SIK2: variants seen among roughly 807,000 people sequenced by gnomAD.
The protein encoded by SIK2 is serine/threonine-protein kinase SIK2.
A neutral mutation model predicts 103.2 loss-of-function variants in SIK2; 29 were observed. The observed-to-expected ratio is 0.28, with a 90% CI of 0.21 to 0.38. The LOEUF is 0.38. Among genes scored for constraint, SIK2 ranks in the 10% least tolerant of loss-of-function variants. The probability of loss-of-function intolerance (pLI) is 1.00; values close to 1 mark genes in which losing one functional copy is unlikely to be tolerated. For missense variants in SIK2, 879 were observed against 1,171.0 expected (o/e 0.75, Z 3.64); for synonymous variants, 412 against 446.1 (o/e 0.92, Z 0.96).
chr11:111,690,857 C>T (rs1942928033), intron 4 of SIK2, among the ~76,000 whole-genome samples: 1 of 152,128 alleles, frequency 6.6e-6, no homozygotes, highest in African/African-American at 2.4e-5. Flanking sequence ...TCCAGTCTAT[C>T]ATTGACAGGC....
At chr11:111,673,066 A>G (rs1254594331) in intron 3 of SIK2, among the ~76,000 whole-genome samples, 1 of 152,214 alleles carries the variant, frequency 6.6e-6, no homozygotes, top group Admixed American at 6.5e-5. Flanking sequence ...AACCACTTAA[A>G]CCACCTGGAG....
At chr11:111,639,262 A>T (rs1371816038) in intron 3 of SIK2, among the ~76,000 whole-genome samples, 2 of 148,824 alleles carry the variant, frequency 1.3e-5, no homozygotes, top group Admixed American at 6.7e-5. Flanking sequence ...TTAATAGCAG[A>T]TTTCTGAGCC....
rs566283817 is a variant in SIK2 at position 111,700,054 on chromosome 11, G to A, written c.479-832G>A. ...CAAGATAATAGGTATTTGTTTCTTCGGTAAGAATATGAGACTATAAAGGCT... is the reference window on the plus strand; with the variant it reads ...CAAGATAATAGGTATTTGTTTCTTCAGTAAGAATATGAGACTATAAAGGCT... On this transcript the variant is annotated intron_variant, in intron 4 of 14. Coordinates refer to ENST00000304987, the MANE Select transcript of SIK2 (RefSeq NM_015191.3). Among the ~76,000 whole-genome samples, 6 of 152,184 alleles carry A rather than the reference G, an allele frequency of 3.9e-5. No individual in the cohort carries two copies. The South Asian group carries it at 1.0e-3, about 26-fold the overall frequency.
At chr11:111,617,362 A>G (rs936679870) in intron 2 of SIK2, among the ~76,000 whole-genome samples, 2 of 152,176 alleles carry the variant, frequency 1.3e-5, no homozygotes, top group Non-Finnish European at 2.9e-5. Flanking sequence ...TAACATGTAG[A>G]ATTTTTCTGT....
intron 3 of SIK2, among the ~76,000 whole-genome samples, chr11:111,657,386 G>GGTTTT (rs1326947742): frequency 2.0e-5 from 3 of 151,738 alleles, no homozygotes; most frequent in Non-Finnish European, 2.9e-5. Flanking sequence ...GGTCTTTTTG[G>GGTTTT]GTTTTGTTTT....
intron 8 of SIK2, 90 bp from the exon 9 acceptor site, chr11:111,712,121 A>G: frequency 7.7e-7 from 1 of 1,296,242 alleles, no homozygotes; most frequent in East Asian, 2.3e-5. Context: ...TTTAATTGCC[A>G]CAGGAAGAAT....
At chr11:111,642,098 C>T (rs1301688490) in intron 3 of SIK2, among the ~76,000 whole-genome samples, 1 of 152,144 alleles carries the variant, frequency 6.6e-6, no homozygotes, top group Non-Finnish European at 1.5e-5. Flanking sequence ...CCCTTCTGAA[C>T]GGTTTTTCAC....
At chr11:111,704,180 C>T (rs1006592722) in intron 7 of SIK2, among the ~76,000 whole-genome samples, 1 of 152,216 alleles carries the variant, frequency 6.6e-6, no homozygotes, top group Non-Finnish European at 1.5e-5. Flanking sequence ...ACTTTGCGCC[C>T]AGTGATGTTT....
At chr11:111,619,811 TTAAAG>T (rs1392910426) in intron 2 of SIK2, among the ~76,000 whole-genome samples, 7 of 152,232 alleles carry the variant, frequency 4.6e-5, no homozygotes, top group African/African-American at 1.7e-4. Context: ...TGTAACAATA[TTAAAG>T]TATAGTACAA....
rs551246097 is a variant in SIK2 at position 111,661,760 on chromosome 11, C to A, written c.317-26241C>A. 1.5e-3 allele frequency among the ~76,000 whole-genome samples: 230 copies of A among 152,332 alleles called. 2 individuals carry two copies. Among genetic ancestry groups the A allele is most frequent in the African/African-American group, 5.4e-3 (224 of 41,576 alleles). On this transcript the variant is annotated intron_variant, in intron 3 of 14. Transcript: ENST00000304987. ...AGGAGCAAAGGCACATCTTACATGGCAGCAGGCAAGAGTGCATGTGCAGAG... is the reference window on the plus strand; with the variant it reads ...AGGAGCAAAGGCACATCTTACATGGAAGCAGGCAAGAGTGCATGTGCAGAG...
At position 111,726,922 on chromosome 11, in the gene SIK2, T is replaced by G; in HGVS notation, c.*2793T>G. On this transcript the variant is annotated 3_prime_UTR_variant, in exon 15 of 15. Coordinates refer to ENST00000304987, the MANE Select transcript of SIK2 (RefSeq NM_015191.3). Reference sequence around the variant, plus strand: ...TTCGTTCGGCAAAAAGTGCAATATGTGTGGTACTTTATTTTTTATGTTCTT... The same window carrying G: ...TTCGTTCGGCAAAAAGTGCAATATGGGTGGTACTTTATTTTTTATGTTCTT... The G allele has an allele frequency of 6.3e-7, 1 of 1,592,664 alleles. No individual in the cohort carries two copies. Among genetic ancestry groups the G allele is most frequent in the Non-Finnish European group, 8.6e-7 (1 of 1,161,134 alleles).
chr11:111,677,311 A>G (rs934028423), intron 3 of SIK2, among the ~76,000 whole-genome samples: 7 of 152,248 alleles, frequency 4.6e-5, no homozygotes, highest in African/African-American at 1.4e-4. Flanking sequence ...GAATTATATT[A>G]AGAGAGTTCT....
chr11:111,695,087 G>A (rs1330071369), intron 4 of SIK2, among the ~76,000 whole-genome samples: 1 of 152,158 alleles, frequency 6.6e-6, no homozygotes, highest in Non-Finnish European at 1.5e-5. Flanking sequence ...TGTGCAATGG[G>A]TCAGCTTCAT....
chr11:111,690,207 AT>A (rs1489623836), intron 4 of SIK2, among the ~76,000 whole-genome samples: 1 of 146,282 alleles, frequency 6.8e-6, no homozygotes, highest in Non-Finnish European at 1.5e-5. Flanking sequence ...TCACTGGGAT[AT>A]TTTGTTTAAT....
chr11:111,704,646 C>T (rs1943298290), intron 7 of SIK2, among the ~76,000 whole-genome samples: 1 of 152,196 alleles, frequency 6.6e-6, no homozygotes. Flanking sequence ...CCTTACACCA[C>T]CGTTACAGCT....
At chr11:111,670,216 C>T (rs1018434254) in intron 3 of SIK2, among the ~76,000 whole-genome samples, 4 of 152,148 alleles carry the variant, frequency 2.6e-5, no homozygotes, top group Non-Finnish European at 5.9e-5. Context: ...GCCACTTTTG[C>T]GCCTTTAATC....
intron 3 of SIK2, among the ~76,000 whole-genome samples, chr11:111,647,252 T>C (rs897758879): frequency 6.6e-6 from 1 of 152,198 alleles, no homozygotes; most frequent in Non-Finnish European, 1.5e-5. Flanking sequence ...TGAAACTAAA[T>C]CTTTGAACAT....
At chr11:111,716,145 G>A (rs576773690) in intron 9 of SIK2, among the ~76,000 whole-genome samples, 12 of 152,252 alleles carry the variant, frequency 7.9e-5, no homozygotes, top group South Asian at 6.2e-4. Context: ...AGGATTTTCC[G>A]AATTACCCCC....
At chr11:111,637,370 AC>A (rs1198613989) in intron 3 of SIK2, among the ~76,000 whole-genome samples, 2 of 151,622 alleles carry the variant, frequency 1.3e-5, no homozygotes, top group African/African-American at 4.8e-5. Flanking sequence ...ATTCTTGGAT[AC>A]ATATGCAGGA....
Sources: gnomAD v4.1 joint callset for allele counts (sites outside exome capture counted in the v4.1 genomes callset) on GRCh38, gnomAD v4.1.1 for gene constraint, MANE v1.5 for transcripts, NCBI Gene and HGNC (gene_info 2026-07-23, HGNC 2026-07-21) for gene names.